The following GRID2 variants were observed in gnomAD, a reference collection of about 807,000 sequenced individuals.
GRID2 encodes the protein glutamate ionotropic receptor delta type subunit 2.
A neutral mutation model predicts 114.8 loss-of-function variants in GRID2; 33 were observed. The ratio of observed to expected loss-of-function variants is 0.29; its 90% CI spans 0.22 to 0.38. GRID2 has a LOEUF of 0.38. Among genes scored for constraint, GRID2 ranks in the 10% least tolerant of loss-of-function variants. The pLI is 1.00. For missense variants in GRID2, 1,184 were observed against 1,257.7 expected, an observed-to-expected ratio of 0.94 and a Z score of 0.89; for synonymous variants, 505 against 449.9, an observed-to-expected ratio of 1.12 and a Z score of -1.55.
chr4:92,336,948 G>A lies in GRID2; in HGVS notation c.88+32204G>A, dbSNP rs967248920. ...CTTTACGGACCAAGTCAGGTCTTTCGTTGTTGTTTTTTTTTTTTTTTTTTT... is the reference window on the plus strand; with the variant it reads ...CTTTACGGACCAAGTCAGGTCTTTCATTGTTGTTTTTTTTTTTTTTTTTTT... On this transcript the variant is annotated intron_variant, in intron 1 of 15. Transcript: ENST00000282020. 1.1e-4 allele frequency among the ~76,000 whole-genome samples: 4 copies of A among 37,528 alleles called. No individual in the cohort carries two copies. In the South Asian group the frequency reaches 4.1e-3, roughly 38 times the overall value. The allele number at this position is 37,528 out of a possible 152,430, so 24.6% of individuals were successfully genotyped here. A position where few individuals can be genotyped will look rare whatever the true frequency, so the allele number is the denominator to read the frequency against.
intron 4 of GRID2, chr4:93,164,655 C>A: frequency 2.9e-6 from 1 of 348,966 alleles, no homozygotes; most frequent in Non-Finnish European, 6.2e-6. Context: ...ATGAAAATAC[C>A]GGTTATCCTT....
intron 14 of GRID2, among the ~76,000 whole-genome samples, chr4:93,714,534 T>C (rs1728746179): frequency 6.6e-6 from 1 of 152,182 alleles, no homozygotes; most frequent in Non-Finnish European, 1.5e-5. Context: ...CCACAATGGT[T>C]GAACTAATTT....
intron 4 of GRID2, among the ~76,000 whole-genome samples, chr4:93,111,337 G>C (rs916678122): frequency 2.0e-5 from 3 of 152,092 alleles, no homozygotes; most frequent in Non-Finnish European, 4.4e-5. Flanking sequence ...ATAATTACTT[G>C]AATCAGGACA....
chr4:92,470,892 T>TC (rs1247667727), intron 1 of GRID2, among the ~76,000 whole-genome samples: 13 of 152,160 alleles, frequency 8.5e-5, no homozygotes, highest in Middle Eastern at 3.4e-3. Context: ...CAAAGTAGGC[T>TC]TAACTGCTTC....
intron 8 of GRID2, among the ~76,000 whole-genome samples, chr4:93,239,992 T>G (rs1417087750): frequency 6.6e-6 from 1 of 151,656 alleles, no homozygotes; most frequent in Non-Finnish European, 1.5e-5. Flanking sequence ...GGCAGTTTAT[T>G]CATTTATATT....
chr4:93,348,260 C>G (rs1309292913), intron 8 of GRID2, among the ~76,000 whole-genome samples: 5 of 152,120 alleles, frequency 3.3e-5, no homozygotes, highest in Non-Finnish European at 5.9e-5. Flanking sequence ...AATCATTACT[C>G]ACTTCATACA....
chr4:92,496,578 T>G (rs1188341487), intron 1 of GRID2, among the ~76,000 whole-genome samples: 1 of 151,792 alleles, frequency 6.6e-6, no homozygotes, highest in Non-Finnish European at 1.5e-5. Context: ...CAGAGAGATT[T>G]TATAGAGCCT....
At chr4:92,806,208 C>CACAT (rs1356680903) in intron 2 of GRID2, among the ~76,000 whole-genome samples, 1 of 149,324 alleles carries the variant, frequency 6.7e-6, no homozygotes, top group Non-Finnish European at 1.5e-5. Context: ...CACACACACA[C>CACAT]ACACGGATAT....
intron 1 of GRID2, among the ~76,000 whole-genome samples, chr4:92,321,359 T>A (rs1381453595): frequency 6.6e-6 from 1 of 152,202 alleles, no homozygotes; most frequent in East Asian, 1.9e-4. Context: ...GCAGAGGCAG[T>A]GTGCTTGTGT....
At chr4:93,787,664 G>A (rs1344361424) in intron 1 of GRID2, among the ~76,000 whole-genome samples, 1 of 152,132 alleles carries the variant, frequency 6.6e-6, no homozygotes, top group Admixed American at 6.5e-5. Flanking sequence ...GAGGGGAGGA[G>A]TTTCGCAGTC....
intron 2 of GRID2, among the ~76,000 whole-genome samples, chr4:93,029,389 C>T (rs1465150701): frequency 3.3e-5 from 5 of 151,962 alleles, no homozygotes; most frequent in African/African-American, 4.8e-5. Context: ...GAAGACATAT[C>T]GATCTAATGC....
At chr4:92,893,733 A>T (rs1222230109) in intron 2 of GRID2, among the ~76,000 whole-genome samples, 1 of 152,192 alleles carries the variant, frequency 6.6e-6, no homozygotes, top group Non-Finnish European at 1.5e-5. Flanking sequence ...TTAAGTAAGA[A>T]TGCAGTAGCA....
At chr4:93,152,453 A>G (rs1007954484) in intron 4 of GRID2, among the ~76,000 whole-genome samples, 10 of 152,154 alleles carry the variant, frequency 6.6e-5, no homozygotes, top group African/African-American at 2.2e-4. Context: ...AAAGCATGAG[A>G]TGAAATAGGC....
chr4:92,343,068 C>T (rs185367634), intron 1 of GRID2, among the ~76,000 whole-genome samples: 67 of 152,042 alleles, frequency 4.4e-4, no homozygotes, highest in Admixed American at 2.3e-3. Flanking sequence ...TGACATATTT[C>T]GCTATAATGC....
intron 3 of GRID2, among the ~76,000 whole-genome samples, chr4:93,108,046 A>G (rs2149348366): frequency 6.6e-6 from 1 of 152,194 alleles, no homozygotes; most frequent in East Asian, 1.9e-4. Context: ...TAGATTTTTG[A>G]TCCACAGGCT....
At chr4:93,108,188 T>G (rs1195666684) in intron 3 of GRID2, among the ~76,000 whole-genome samples, 1 of 152,200 alleles carries the variant, frequency 6.6e-6, no homozygotes, top group Admixed American at 6.5e-5. Context: ...AAGTAAAATA[T>G]ATCCTCCTCC....
chr4:93,608,311 ATT>A (rs1186818508), intron 13 of GRID2, among the ~76,000 whole-genome samples: 17 of 116,180 alleles, frequency 1.5e-4, no homozygotes, highest in African/African-American at 5.0e-4. Flanking sequence ...TTTTTTTTTA[ATT>A]TTTTTTTTTT....
rs530986024 is a variant in GRID2, at chr4:92,695,322, GT to G, written c.244+105044del. 4.9e-3 allele frequency among the ~76,000 whole-genome samples: 738 copies of G among 151,828 alleles called. 5 individuals are homozygous for G. Among genetic ancestry groups the G allele is most frequent in the African/African-American group, 0.017 (697 of 41,414 alleles). ...GATTTAGAGAACTCATTTAATTTTA[GT>G]TTTTTTTATATCTCCTCTTTTTATT... On this transcript the variant is annotated intron_variant, in intron 2 of 15. Coordinates refer to ENST00000282020, the MANE Select transcript of GRID2 (RefSeq NM_001510.4).
chr4:92,332,076 C>T (rs891333240), intron 1 of GRID2, among the ~76,000 whole-genome samples: 2 of 152,118 alleles, frequency 1.3e-5, no homozygotes, highest in African/African-American at 2.4e-5. Flanking sequence ...AGCTTAGAAA[C>T]TTGAACACAC....
Sources: gnomAD v4.1 joint callset for allele counts (sites outside exome capture counted in the v4.1 genomes callset) on GRCh38, gnomAD v4.1.1 for gene constraint, MANE v1.5 for transcripts, NCBI Gene and HGNC (gene_info 2026-07-23, HGNC 2026-07-21) for gene names.